Variants in KBTBD2 observed in about 807,000 individuals in gnomAD.
KBTBD2 encodes kelch repeat and BTB domain containing 2.
KBTBD2 carries 17 observed loss-of-function variants against 57.1 expected under a neutral mutation model. The observed-to-expected ratio is 0.30, with a 90% CI of 0.20 to 0.45. KBTBD2 has a LOEUF of 0.45. KBTBD2 is among the 20% of genes least tolerant of loss of function. KBTBD2 has a pLI of 1.00. For missense variants in KBTBD2, 515 were observed against 750.6 expected, an observed-to-expected ratio of 0.69 and a Z score of 3.67; for synonymous variants, 267 against 262.7, an observed-to-expected ratio of 1.02 and a Z score of -0.16.
chr7:32,872,108 G>T (rs1784193364), intron 3 of KBTBD2, among the ~76,000 whole-genome samples: 1 of 152,138 alleles, frequency 6.6e-6, no homozygotes. Context: ...TTACAGGGAG[G>T]AGGATTACTT....
intron 3 of KBTBD2, among the ~76,000 whole-genome samples, chr7:32,872,146 G>A (rs1784194448): frequency 6.6e-6 from 1 of 152,084 alleles, no homozygotes; most frequent in Non-Finnish European, 1.5e-5. Flanking sequence ...ACTGCAGTGA[G>A]CTATCACCAT....
At chr7:32,877,035 T>G (rs1315041729) in intron 2 of KBTBD2, among the ~76,000 whole-genome samples, 1 of 111,556 alleles carries the variant, frequency 9.0e-6, no homozygotes, top group Non-Finnish European at 1.7e-5. Context: ...TTTTCTTTTT[T>G]TGAGACAGAG....
chr7:32,884,672 A>G (rs908082259), intron 1 of KBTBD2, among the ~76,000 whole-genome samples: 3 of 152,086 alleles, frequency 2.0e-5, no homozygotes, highest in African/African-American at 7.2e-5. Flanking sequence ...CCTGGGCAAC[A>G]AGAGAGAGAC....
At position 32,882,553 on chromosome 7, in the gene KBTBD2, C is replaced by T. The variant is rs980762417; in HGVS notation, c.-338-2611G>A. On this transcript the variant is annotated intron_variant, in intron 1 of 3. Coordinates refer to ENST00000304056, the MANE Select transcript of KBTBD2 (RefSeq NM_015483.3). The stretch of plus-strand genomic sequence containing the variant: ...ATTAACACAGCTTTATTAGATTCCC[C>T]TATTTCCCACTCTTCTTTTGTAATC... 5.3e-4 allele frequency among the ~76,000 whole-genome samples: 81 copies of T among 152,230 alleles called. 1 individual carries two copies. The highest frequency in any genetic ancestry group is 1.9e-3 in the African/African-American group (80 of 41,458).
At chr7:32,883,633 G>T (rs1448887091) in intron 1 of KBTBD2, among the ~76,000 whole-genome samples, 1 of 152,100 alleles carries the variant, frequency 6.6e-6, no homozygotes. Flanking sequence ...TCTAAAATCA[G>T]CTTCAAAACG....
intron 3 of KBTBD2, among the ~76,000 whole-genome samples, chr7:32,871,961 A>T (rs914549672): frequency 6.6e-6 from 1 of 152,198 alleles, no homozygotes; most frequent in African/African-American, 2.4e-5. Flanking sequence ...TTACAGTAAC[A>T]AAGTATTCTG....
rs973576717 is a variant in KBTBD2 at position 32,868,640 on chromosome 7, G to C, written c.*705C>G. The C allele has an allele frequency of 6.6e-6, 1 of 152,458 alleles. No homozygotes were observed. The allele number at this position is 152,458 out of a possible 1,614,324, so 9.4% of individuals were successfully genotyped here. Reference sequence around the variant, plus strand: ...TCTGATTAAAGCTCCACGCAGACCCGCACAATGAGTGGCTGGCAATTCTTA... The same window carrying C: ...TCTGATTAAAGCTCCACGCAGACCCCCACAATGAGTGGCTGGCAATTCTTA... On this transcript the variant is annotated 3_prime_UTR_variant, in exon 4 of 4. Transcript: ENST00000304056.
chr7:32,891,096 AG>A (rs1278745824), intron 1 of KBTBD2: 1 of 152,334 alleles, frequency 6.6e-6, no homozygotes, highest in Non-Finnish European at 1.5e-5. Context: ...GGGGGAATAC[AG>A]AAGGAAGGGG....
intron 2 of KBTBD2, among the ~76,000 whole-genome samples, chr7:32,875,625 C>A (rs909512399): frequency 6.6e-6 from 1 of 152,116 alleles, no homozygotes; most frequent in Non-Finnish European, 1.5e-5. Flanking sequence ...CAAATATATA[C>A]CAGACTATTC....
chr7:32,871,073 C>G (rs1321943322), intron 3 of KBTBD2, among the ~76,000 whole-genome samples, 193 bp from the exon 4 acceptor site: 1 of 151,994 alleles, frequency 6.6e-6, no homozygotes, highest in Non-Finnish European at 1.5e-5. Context: ...AGTATTTTTT[C>G]CTGCTCAGTG....
chr7:32,879,744 C>T lies in KBTBD2; in HGVS notation c.-140G>A. The T allele has an allele frequency of 3.1e-6, 2 of 651,898 alleles. No individual in the cohort carries two copies. The highest frequency in any genetic ancestry group is 1.8e-5 in the South Asian group (1 of 55,190). 40.4% of individuals were successfully genotyped at this position (651,898 alleles called of 1,614,324 possible). Reference sequence around the variant, plus strand: ...TTCAGTACCAAGACTGACACATTCACTAATGAGTAATATCTTGTTACACAG... The same window carrying T: ...TTCAGTACCAAGACTGACACATTCATTAATGAGTAATATCTTGTTACACAG... On this transcript the variant is annotated 5_prime_UTR_variant, in exon 2 of 4. In the 5' UTR this introduces an upstream ATG that the reference lacks. Coordinates refer to ENST00000304056, the MANE Select transcript of KBTBD2 (RefSeq NM_015483.3).
chr7:32,884,419 G>C (rs113764806), intron 1 of KBTBD2, among the ~76,000 whole-genome samples: 1 of 144,988 alleles, frequency 6.9e-6, no homozygotes, highest in African/African-American at 2.6e-5. Flanking sequence ...GCTGGGCACA[G>C]TGGCTCATAC....
intron 2 of KBTBD2, among the ~76,000 whole-genome samples, chr7:32,877,032 T>C (rs1784329728): frequency 8.9e-6 from 1 of 112,262 alleles, no homozygotes. Flanking sequence ...TCTTTTTCTT[T>C]TTTTGAGACA....
intron 1 of KBTBD2, among the ~76,000 whole-genome samples, chr7:32,884,232 G>A (rs868114064): frequency 3.4e-4 from 51 of 152,026 alleles, no homozygotes; most frequent in African/African-American, 1.2e-3. Context: ...TAAACTTTTG[G>A]CCAGCTGTGC....
At chr7:32,877,795 G>C (rs1784348814) in intron 2 of KBTBD2, among the ~76,000 whole-genome samples, 1 of 152,026 alleles carries the variant, frequency 6.6e-6, no homozygotes. Context: ...GTATCTGTGG[G>C]GGACTGATTG....
At chr7:32,890,405 G>C (rs1583797654) in intron 1 of KBTBD2, among the ~76,000 whole-genome samples, 1 of 152,108 alleles carries the variant, frequency 6.6e-6, no homozygotes, top group Non-Finnish European at 1.5e-5. Flanking sequence ...GGGGAAAAAA[G>C]TCCTTATCAA....
Position 32,870,477 on chromosome 7 carries a change from T to G in KBTBD2, c.740A>C (p.Gln247Pro). 6.2e-7 allele frequency: 1 copy of G among 1,613,948 alleles called. No homozygotes were observed. Residue 247 changes from glutamine (Q) to proline (P), a missense_variant, in exon 4 of 4, where the codon CAA becomes CCA. Physicochemically the swap from Gln to Pro is moderately conservative, Grantham distance 76 (BLOSUM62 -1). Coordinates refer to ENST00000304056, the MANE Select transcript of KBTBD2 (RefSeq NM_015483.3). The part of the protein sequence containing the change: ...LPPNDKSVVV[Q>P]GLYKSMPKFF... ...CTTGGGCATGGACTTATACAGACCT[T>G]GAACCACCACTGACTTATCATTGGG... is the stretch of plus-strand genomic sequence containing the variant.
Position 32,868,674 on chromosome 7 carries a change from C to T in KBTBD2, c.*671G>A, listed in dbSNP as rs1468348252. 2 of 152,516 alleles carry T rather than the reference C, an allele frequency of 1.3e-5. No individual in the cohort carries two copies. The highest frequency in any genetic ancestry group is 4.8e-5 in the African/African-American group (2 of 41,404). The allele number at this position is 152,516 out of a possible 1,614,324, so 9.4% of individuals were successfully genotyped here. ...GTGGCTGGCAATTCTTACTGCAAGCCTAGCAACTTAAGTCCACACCTGGTA... is the reference window on the plus strand; with the variant it reads ...GTGGCTGGCAATTCTTACTGCAAGCTTAGCAACTTAAGTCCACACCTGGTA... On this transcript the variant is annotated 3_prime_UTR_variant, in exon 4 of 4. Transcript: ENST00000304056.
chr7:32,879,648 C>A lies in KBTBD2; in HGVS notation c.-44G>T. On this transcript the variant is annotated 5_prime_UTR_variant, in exon 2 of 4. Coordinates refer to ENST00000304056, the MANE Select transcript of KBTBD2 (RefSeq NM_015483.3). ...TCTCCAGGAACAGATTAGAAAAGTC[C>A]GTCTTACTGATGGAAGGTCAAGTGA... is the stretch of plus-strand genomic sequence containing the variant. 1.3e-6 allele frequency: 2 copies of A among 1,532,920 alleles called. No individual in the cohort carries two copies. The highest frequency in any genetic ancestry group is 1.2e-5 in the South Asian group (1 of 86,726). The allele number at this position is 1,532,920 out of a possible 1,614,324, so 95.0% of individuals were successfully genotyped here.
Sources: gnomAD v4.1 joint callset for allele counts (sites outside exome capture counted in the v4.1 genomes callset) on GRCh38, gnomAD v4.1.1 for gene constraint, MANE v1.5 for transcripts, NCBI Gene and HGNC (gene_info 2026-07-23, HGNC 2026-07-21) for gene names.